UBR2: variants seen among roughly 807,000 people sequenced by gnomAD.
UBR2 encodes the protein ubiquitin protein ligase E3 component n-recognin 2, also known as E3 ubiquitin-protein ligase UBR2.
UBR2 carries 92 observed loss-of-function variants against 247.9 expected under a neutral mutation model. The ratio of observed to expected loss-of-function variants is 0.37; its 90% CI spans 0.31 to 0.44. The LOEUF (loss-of-function observed/expected upper bound fraction) is 0.44. UBR2 is among the 20% of genes least tolerant of loss of function. The pLI, the probability that UBR2 is intolerant of heterozygous loss-of-function variation, is 1.00. For synonymous variants in UBR2, 672 were observed against 693.5 expected (o/e 0.97, Z 0.49); for missense variants, 1,613 against 2,112.6 (o/e 0.76, Z 4.64).
intron 42 of UBR2, 26 bp from the exon 43 acceptor site, chr6:42,683,029 T>TGTG: frequency 6.8e-7 from 1 of 1,463,846 alleles, no homozygotes; most frequent in Non-Finnish European, 9.0e-7. Context: ...GTGTTTTGTG[T>TGTG]TTTTCCCCCT....
At chr6:42,684,600 C>A (rs1799261368) in intron 43 of UBR2, among the ~76,000 whole-genome samples, 194 bp from the exon 44 acceptor site, 1 of 150,536 alleles carries the variant, frequency 6.6e-6, no homozygotes, top group Admixed American at 6.6e-5. Context: ...AAACAAAAAA[C>A]AAAAACAAAA....
intron 15 of UBR2, 78 bp from the exon 16 acceptor site, chr6:42,640,131 T>G: frequency 1.7e-6 from 2 of 1,143,146 alleles, no homozygotes; most frequent in South Asian, 1.4e-5. Context: ...GATATAAAGT[T>G]GAGTGAATAT....
intron 1 of UBR2, among the ~76,000 whole-genome samples, chr6:42,569,002 C>G (rs1483641285): frequency 6.6e-6 from 1 of 152,082 alleles, no homozygotes; most frequent in Non-Finnish European, 1.5e-5. Flanking sequence ...GTCAGTAATT[C>G]TTTCTTTTTT....
At chr6:42,572,627 A>C (rs1057305790) in intron 1 of UBR2, among the ~76,000 whole-genome samples, 2 of 151,708 alleles carry the variant, frequency 1.3e-5, no homozygotes, top group South Asian at 2.1e-4. Flanking sequence ...CCCAATAGGT[A>C]GTTTTTCAAC....
chr6:42,623,680 G>A (rs1795147151), intron 11 of UBR2, among the ~76,000 whole-genome samples: 1 of 152,094 alleles, frequency 6.6e-6, no homozygotes, highest in African/African-American at 2.4e-5. Context: ...TTGAACTCCT[G>A]ACCTCGTGAT....
At position 42,670,788 on chromosome 6, in the gene UBR2, T is replaced by C. The variant is rs1467113438; in HGVS notation, c.4086+73T>C. 1.4e-5 allele frequency: 17 copies of C among 1,208,196 alleles called. 2 individuals carry two copies. In the South Asian group the frequency reaches 1.8e-4, roughly 13 times the overall value. 74.8% of individuals were successfully genotyped at this position (1,208,196 alleles called of 1,614,324 possible). ...GGTGGTTCTGCTGCTTTTAATCTTA[T>C]GGACCTGCAGTAGTTACTTACACCT... is the stretch of plus-strand genomic sequence containing the variant. On this transcript the variant is annotated intron_variant, in intron 36 of 46. Coordinates refer to ENST00000372901, the MANE Select transcript of UBR2 (RefSeq NM_001363705.2).
intron 27 of UBR2, 41 bp from the exon 28 acceptor site, chr6:42,658,199 A>G (rs565500058): frequency 1.2e-6 from 2 of 1,609,850 alleles, no homozygotes; most frequent in South Asian, 2.2e-5. Context: ...GTACATTGTG[A>G]TCATATTTCA....
At chr6:42,586,172 C>G (rs967814644) in intron 2 of UBR2, among the ~76,000 whole-genome samples, 4 of 151,590 alleles carry the variant, frequency 2.6e-5, no homozygotes, top group African/African-American at 9.7e-5. Flanking sequence ...CAAGACCAGC[C>G]TGGGCAACAT....
intron 11 of UBR2, among the ~76,000 whole-genome samples, chr6:42,620,538 C>T (rs1427008414): frequency 6.7e-6 from 1 of 149,402 alleles, no homozygotes; most frequent in Admixed American, 6.7e-5. Flanking sequence ...CACTGTCCCC[C>T]AGGCTGGAGT....
chr6:42,576,320 G>C (rs1254278367), intron 2 of UBR2, among the ~76,000 whole-genome samples: 1 of 152,026 alleles, frequency 6.6e-6, no homozygotes, highest in African/African-American at 2.4e-5. Context: ...GTTCTTTCTA[G>C]TTTTCTTCCT....
rs189261744 is a variant in UBR2, at chr6:42,632,545, T to C, written c.1282-7T>C. 1.3e-4 allele frequency: 204 copies of C among 1,588,854 alleles called. No individual in the cohort carries two copies. The highest frequency in any genetic ancestry group is 6.8e-4 in the African/African-American group (50 of 73,658). The stretch of plus-strand genomic sequence containing the variant: ...TTACCATGCACTCTGATAAACTTTG[T>C]TTTTAGGCTCGAATGCTCATCACAG... On this transcript the variant is annotated splice_region_variant and splice_polypyrimidine_tract_variant and intron_variant, in intron 11 of 46. Coordinates refer to ENST00000372901, the MANE Select transcript of UBR2 (RefSeq NM_001363705.2).
chr6:42,614,250 GCA>G (rs1794311716), intron 8 of UBR2, among the ~76,000 whole-genome samples: 1 of 122,454 alleles, frequency 8.2e-6, no homozygotes, highest in Non-Finnish European at 1.7e-5. Flanking sequence ...ACACACGCGC[GCA>G]CATATATATA....
intron 2 of UBR2, among the ~76,000 whole-genome samples, chr6:42,580,562 G>A (rs1462833037): frequency 6.7e-6 from 1 of 149,344 alleles, no homozygotes; most frequent in Admixed American, 6.6e-5. Context: ...TTTTTTTTGA[G>A]ACAGTCTCAT....
intron 41 of UBR2, 73 bp from the exon 42 acceptor site, chr6:42,679,651 G>T: frequency 4.6e-6 from 5 of 1,091,192 alleles, no homozygotes; most frequent in Admixed American, 4.2e-5. Context: ...TTTAAACTCT[G>T]CTATTGCTTA....
chr6:42,599,810 G>A (rs1458607891), intron 4 of UBR2, among the ~76,000 whole-genome samples: 1 of 151,984 alleles, frequency 6.6e-6, no homozygotes, highest in Non-Finnish European at 1.5e-5. Flanking sequence ...ACCCTGCTAG[G>A]CTGATCTCAA....
chr6:42,631,869 T>C (rs1211733119), intron 11 of UBR2, among the ~76,000 whole-genome samples: 1 of 35,598 alleles, frequency 2.8e-5, no homozygotes, highest in Non-Finnish European at 6.4e-5. Context: ...TTTATATATA[T>C]ATATATATAT....
chr6:42,678,488 CA>C (rs1254247425), intron 40 of UBR2, 50 bp from the exon 41 acceptor site: 1 of 1,578,422 alleles, frequency 6.3e-7, no homozygotes, highest in Non-Finnish European at 8.6e-7. Flanking sequence ...ACTATAAGTA[CA>C]GTGACCTTTT....
intron 2 of UBR2, among the ~76,000 whole-genome samples, chr6:42,588,322 A>T (rs62414609): frequency 0.061 from 9,233 of 152,260 alleles, 405 homozygotes; most frequent in South Asian, 0.087. Flanking sequence ...CCCTCCTAAC[A>T]CCTCAGTCCC....
intron 1 of UBR2, among the ~76,000 whole-genome samples, chr6:42,570,608 T>C (rs1243193073): frequency 6.6e-6 from 1 of 152,170 alleles, no homozygotes; most frequent in African/African-American, 2.4e-5. Context: ...TTATTTATAA[T>C]AATATGTAAT....
Sources: allele counts gnomAD v4.1 joint callset (sites outside exome capture counted in the v4.1 genomes callset), GRCh38; gene constraint gnomAD v4.1.1; transcripts MANE v1.5; gene names NCBI Gene and HGNC (gene_info 2026-07-23, HGNC 2026-07-21).